Variants in GOLGB1 observed in about 807,000 individuals in gnomAD.
GOLGB1 encodes the protein golgin subfamily B member 1.
Under a neutral mutation model 336.9 loss-of-function variants are expected in GOLGB1, and 174 were observed. That is an observed-to-expected ratio of 0.52 (90% CI 0.46 to 0.59). GOLGB1 has a LOEUF of 0.59. Among genes scored for constraint, GOLGB1 ranks in the 20% least tolerant of loss-of-function variants. The pLI, the probability that GOLGB1 is intolerant of heterozygous loss-of-function variation, is 0.00. For synonymous variants in GOLGB1, 1,208 were observed against 1,289.2 expected (o/e 0.94, Z 1.35); for missense variants, 3,331 against 3,645.3 (o/e 0.91, Z 2.22).
chr3:121,665,678 G>A (rs1371235273), intron 20 of GOLGB1, among the ~76,000 whole-genome samples: 1 of 152,166 alleles, frequency 6.6e-6, no homozygotes, highest in Non-Finnish European at 1.5e-5. Flanking sequence ...TCACTCAATG[G>A]TTATGTCAAA....
chr3:121,664,886 AGAT>A (rs1250754500), intron 21 of GOLGB1, 37 bp downstream of exon 21: 1 of 1,218,170 alleles, frequency 8.2e-7, no homozygotes, highest in Admixed American at 1.7e-5. Context: ...CAGCCCTGTC[AGAT>A]AATAAAACAC....
rs149891693 is a variant in GOLGB1, at chr3:121,720,694, T to C, written c.649-926A>G. Among the ~76,000 whole-genome samples, 4 of 152,320 alleles carry C rather than the reference T, an allele frequency of 2.6e-5. No individual in the cohort carries two copies. In the East Asian group the frequency reaches 7.7e-4, roughly 29 times the overall value. ...TTTGGACTCTTGTGTTTCAAGTGTGTAGGCACTGGAGTCTTTCATTAGCCA... is the reference window on the plus strand; with the variant it reads ...TTTGGACTCTTGTGTTTCAAGTGTGCAGGCACTGGAGTCTTTCATTAGCCA... On this transcript the variant is annotated intron_variant, in intron 6 of 21. Transcript: ENST00000614479.
chr3:121,720,607 TG>T (rs1392272783), intron 6 of GOLGB1, among the ~76,000 whole-genome samples: 1 of 152,218 alleles, frequency 6.6e-6, no homozygotes, highest in Non-Finnish European at 1.5e-5. Flanking sequence ...CTTTCTTTTT[TG>T]GTAGGAGAAA....
intron 17 of GOLGB1, among the ~76,000 whole-genome samples, chr3:121,671,694 G>T (rs1374068839): frequency 6.6e-6 from 1 of 151,958 alleles, no homozygotes; most frequent in African/African-American, 2.4e-5. Context: ...AATAGATTGT[G>T]GTAAACTATA....
intron 14 of GOLGB1, among the ~76,000 whole-genome samples, chr3:121,689,798 T>G (rs567129210): frequency 6.6e-6 from 1 of 152,232 alleles, no homozygotes; most frequent in East Asian, 1.9e-4. Context: ...CAGACTATCA[T>G]GAAAGTGAAG....
At chr3:121,715,709 T>C (rs550405094) in intron 9 of GOLGB1, among the ~76,000 whole-genome samples, 90 of 152,176 alleles carry the variant, frequency 5.9e-4, no homozygotes, top group Non-Finnish European at 1.1e-3. Flanking sequence ...CAAAACTGTC[T>C]GGCTAGGGCA....
intron 9 of GOLGB1, 40 bp from the exon 10 acceptor site, chr3:121,715,016 A>T: frequency 9.2e-7 from 1 of 1,084,400 alleles, no homozygotes; most frequent in South Asian, 1.3e-5. Flanking sequence ...ATTTGCTTCA[A>T]GTCTGAAATG....
intron 10 of GOLGB1, among the ~76,000 whole-genome samples, chr3:121,703,947 CA>C (rs887245804): frequency 5.4e-5 from 8 of 149,238 alleles, no homozygotes; most frequent in East Asian, 3.9e-4. Context: ...GTAAAACAAA[CA>C]AAAAAAAATA....
intron 1 of GOLGB1, chr3:121,748,699 C>T (rs1444263989): frequency 6.6e-6 from 3 of 451,556 alleles, no homozygotes; most frequent in Admixed American, 6.4e-5. Flanking sequence ...GAGCCCTCCA[C>T]TTGCTTGCAT....
Position 121,667,540 on chromosome 3 carries a change from C to G in GOLGB1, c.9490G>C (p.Glu3164Gln). The G allele has an allele frequency of 6.2e-7, 1 of 1,614,034 alleles. No individual in the cohort carries two copies. Among genetic ancestry groups the G allele is most frequent in the Non-Finnish European group, 8.5e-7 (1 of 1,179,868 alleles). Residue 3164 changes from glutamate to glutamine, a missense_variant, in exon 20 of 22, where the codon GAA becomes CAA. Coordinates refer to ENST00000614479, the MANE Select transcript of GOLGB1 (RefSeq NM_001366282.2). ...GCAGCCACTCTTTGGTCTCGTTCTT[C>G]TTCCAGCAGCTTCCTTAATTCATTC... The part of the protein sequence containing the change: ...EVNELRKLLE[E>Q]ERDQRVAAEN...
At chr3:121,680,387 C>T (rs1013269531) in intron 15 of GOLGB1, among the ~76,000 whole-genome samples, 2 of 152,118 alleles carry the variant, frequency 1.3e-5, no homozygotes, top group African/African-American at 4.8e-5. Context: ...TGAGGTGACA[C>T]AAATATTAGA....
At position 121,749,707 on chromosome 3, in the gene GOLGB1, C is replaced by T. The variant is rs1215234672; in HGVS notation, c.-78G>A. ...CACGTCAGCTCGGGAAGCCCGTACG[C>T]GACACCTTCCACCGCCGCGCCCCGC... On this transcript the variant is annotated 5_prime_UTR_variant, in exon 1 of 22. Coordinates refer to ENST00000614479, the MANE Select transcript of GOLGB1 (RefSeq NM_001366282.2). 6.5e-6 allele frequency: 1 copy of T among 152,746 alleles called. No individual in the cohort carries two copies. Among genetic ancestry groups the T allele is most frequent in the African/African-American group, 2.4e-5 (1 of 41,448 alleles). 9.5% of individuals were successfully genotyped at this position (152,746 alleles called of 1,614,324 possible). A position where few individuals can be genotyped will look rare whatever the true frequency, so the allele number is the denominator to read the frequency against.
At position 121,690,844 on chromosome 3, in the gene GOLGB1, G is replaced by A; in HGVS notation, c.8520C>T (p.Ser2840=). The A allele has an allele frequency of 6.2e-7, 1 of 1,612,918 alleles. No homozygotes were observed. Among genetic ancestry groups the A allele is most frequent in the Non-Finnish European group, 8.5e-7 (1 of 1,179,500 alleles). The change falls in exon 14 of 22, where the codon TCC becomes TCT. Residue 2840 remains serine, a synonymous_variant. Coordinates refer to ENST00000614479, the MANE Select transcript of GOLGB1 (RefSeq NM_001366282.2). Reference sequence around the variant, plus strand: ...CATTCTGCAGACTGGCCATAGCCTTGGAAAAGGACTGCACTTGGTTATAAG... The same window carrying A: ...CATTCTGCAGACTGGCCATAGCCTTAGAAAAGGACTGCACTTGGTTATAAG... ...EDSYNQVQSF[S]KAMASLQNER...
At chr3:121,664,703 G>T in intron 21 of GOLGB1, 89 bp from the exon 22 acceptor site, 1 of 1,275,736 alleles carries the variant, frequency 7.8e-7, no homozygotes, top group Non-Finnish European at 1.1e-6. Flanking sequence ...AAGCAAAGCT[G>T]ACCCAACCAC....
intron 1 of GOLGB1, among the ~76,000 whole-genome samples, 188 bp from the exon 2 acceptor site, chr3:121,731,161 T>C (rs1946086857): frequency 6.6e-6 from 1 of 152,220 alleles, no homozygotes. Flanking sequence ...AGTCACACGC[T>C]GTTCTTTTCA....
rs530077580 is a variant in GOLGB1 at position 121,667,477 on chromosome 3, G to T, written c.9553C>A (p.Arg3185=). The change falls in exon 20 of 22, where the codon CGG becomes AGG. Residue 3185 remains arginine (R), a splice_region_variant and synonymous_variant. Transcript: ENST00000614479. ...ALSVAEEQIR[R]LEHSEWDSSR... ...GAGGCTATCTCCTTCAGCCTTTACC[G>T]TCTGATCTGCTCCTCGGCCACAGAG... is the stretch of plus-strand genomic sequence containing the variant. 60 of 1,613,628 alleles carry T rather than the reference G, an allele frequency of 3.7e-5. No individual in the cohort carries two copies. In the South Asian group the frequency reaches 5.9e-4, roughly 16 times the overall value.
chr3:121,687,571 A>T (rs1184555868), intron 14 of GOLGB1, among the ~76,000 whole-genome samples: 3 of 152,212 alleles, frequency 2.0e-5, no homozygotes, highest in African/African-American at 7.2e-5. Context: ...TTAAAATAAA[A>T]TCACAGTTAT....
chr3:121,693,800 T>C lies in GOLGB1; in HGVS notation c.6723A>G (p.Leu2241=). The change falls in exon 13 of 22, where the codon CTA becomes CTG. Residue 2241 remains leucine, a synonymous_variant. Transcript: ENST00000614479. Reference sequence around the variant, plus strand: ...TGGACATCTGTCTAAGTTGATCCTTTAGAACACTGCAATTATCTTCTTTGA... The same window carrying C: ...TGGACATCTGTCTAAGTTGATCCTTCAGAACACTGCAATTATCTTCTTTGA... ...IRLKEDNCSV[L]KDQLRQMSIH... is the part of the protein sequence containing the mutation. The C allele has an allele frequency of 6.2e-7, 1 of 1,610,354 alleles. No homozygotes were observed.
intron 2 of GOLGB1, 111 bp from the exon 3 acceptor site, chr3:121,730,128 C>T (rs1945977060): frequency 3.1e-6 from 2 of 649,036 alleles, no homozygotes; most frequent in Non-Finnish European, 2.7e-6. Flanking sequence ...TTCTTGTTAA[C>T]TTAAGAATCT....
Sources: allele counts gnomAD v4.1 joint callset (sites outside exome capture counted in the v4.1 genomes callset), GRCh38; gene constraint gnomAD v4.1.1; transcripts MANE v1.5; gene names NCBI Gene and HGNC (gene_info 2026-07-23, HGNC 2026-07-21).